ZBTB14: variants seen among roughly 807,000 people sequenced by gnomAD.
ZBTB14 encodes zinc finger and BTB domain containing 14, also known as zinc finger and BTB domain-containing protein 14.
In ZBTB14, 8 loss-of-function variants were observed where a neutral mutation model predicts 29.5. That is an observed-to-expected ratio of 0.27 (90% CI 0.16 to 0.49). The LOEUF is 0.49. ZBTB14 is among the 20% of genes least tolerant of loss of function. ZBTB14 has a pLI of 0.99. For synonymous variants in ZBTB14, 226 were observed against 207.2 expected (o/e 1.09, Z -0.78); for missense variants, 333 against 563.8 (o/e 0.59, Z 4.15).
chr18:5,295,690 T>C lies in ZBTB14; in HGVS notation c.-150A>G, dbSNP rs1160967905. 2.7e-5 allele frequency: 4 copies of C among 149,622 alleles called. No individual in the cohort carries two copies. Among genetic ancestry groups the C allele is most frequent in the Non-Finnish European group, 5.9e-5 (4 of 67,446 alleles). 9.3% of individuals were successfully genotyped at this position (149,622 alleles called of 1,614,324 possible). A position where few individuals can be genotyped will look rare whatever the true frequency, so the allele number is the denominator to read the frequency against. On this transcript the variant is annotated 5_prime_UTR_variant, in exon 1 of 4. Transcript: ENST00000651870. ...TGGCGGCCGCCGCACATCCTGGAGCTGGCTGGTGCCCCAGAGCTCGGCGAG... is the reference window on the plus strand; with the variant it reads ...TGGCGGCCGCCGCACATCCTGGAGCCGGCTGGTGCCCCAGAGCTCGGCGAG...
intron 1 of ZBTB14, among the ~76,000 whole-genome samples, chr18:5,295,073 A>C (rs2071916103): frequency 6.6e-6 from 1 of 151,466 alleles, no homozygotes; most frequent in Non-Finnish European, 1.5e-5. Context: ...TCATAATCAG[A>C]CGTCGAGCGC....
At position 5,290,766 on chromosome 18, in the gene ZBTB14, T is replaced by A; in HGVS notation, c.*92A>T. The A allele has an allele frequency of 6.5e-7, 1 of 1,529,092 alleles. No homozygotes were observed. Among genetic ancestry groups the A allele is most frequent in the Non-Finnish European group, 8.8e-7 (1 of 1,138,538 alleles). The allele number at this position is 1,529,092 out of a possible 1,614,324, so 94.7% of individuals were successfully genotyped here. ...CAGTGAGTACAATGTTCCATACGTT[T>A]CCACAAAAATATTGTAACTGGCATT... On this transcript the variant is annotated 3_prime_UTR_variant, in exon 4 of 4. Transcript: ENST00000651870.
chr18:5,290,969 A>G lies in ZBTB14; in HGVS notation c.1239T>C (p.Ser413=). 1.2e-6 allele frequency: 2 copies of G among 1,614,138 alleles called. No individual in the cohort carries two copies. Among genetic ancestry groups the G allele is most frequent in the East Asian group, 2.2e-5 (1 of 44,878 alleles). ...CACTGGGGGTAACCTGCTTCCTTTC[A>G]CTGTGCATATTGTTCTCGTGCCTTT... The part of the protein sequence containing the change: ...DLKRHENNMH[S]ERKQVTPSAI... Residue 413 remains serine (S), a synonymous_variant, in exon 4 of 4, where the codon AGT becomes AGC. Coordinates refer to ENST00000651870, the MANE Select transcript of ZBTB14 (RefSeq NM_001243702.2).
intron 1 of ZBTB14, among the ~76,000 whole-genome samples, chr18:5,294,632 T>G (rs1299210227): frequency 1.3e-5 from 2 of 151,032 alleles, no homozygotes; most frequent in Admixed American, 1.3e-4. Flanking sequence ...GAGTCAAAAC[T>G]GGAAGACAGC....
rs1418346149 is a variant in ZBTB14, at chr18:5,290,608, A to G, written c.*250T>C. 6.0e-6 allele frequency: 2 copies of G among 332,358 alleles called. No homozygotes were observed. Among genetic ancestry groups the G allele is most frequent in the East Asian group, 4.4e-5 (1 of 22,642 alleles). 20.6% of individuals were successfully genotyped at this position (332,358 alleles called of 1,614,324 possible). On this transcript the variant is annotated 3_prime_UTR_variant, in exon 4 of 4. Transcript: ENST00000651870. The stretch of plus-strand genomic sequence containing the variant: ...CAAATTAAAATAATAAAAAAAAAAA[A>G]GGGAGAGAGGTGCTTACTGGGCAAC...
upstream of ZBTB14, chr18:5,296,192 C>G (rs2071960115): frequency 6.6e-6 from 1 of 151,100 alleles, no homozygotes; most frequent in Admixed American, 6.6e-5. Context: ...TCGTTGGAGA[C>G]TACGGGGCCG....
upstream of ZBTB14, among the ~76,000 whole-genome samples, chr18:5,296,812 G>T (rs2071977978): frequency 6.6e-6 from 1 of 152,056 alleles, no homozygotes. Flanking sequence ...TGGAGGCGGC[G>T]ACCCGTCTGT....
chr18:5,292,284 T>A lies in ZBTB14; in HGVS notation c.4-80A>T, dbSNP rs943603987. ...ACACAGTCACATTTTCATTTCCTGG[T>A]CAATCTATGGAACCTAACAATTTCA... On this transcript the variant is annotated intron_variant, in intron 3 of 3. Coordinates refer to ENST00000651870, the MANE Select transcript of ZBTB14 (RefSeq NM_001243702.2). 3.4e-6 allele frequency: 4 copies of A among 1,189,480 alleles called. No homozygotes were observed. In the Admixed American group the frequency reaches 1.3e-4, roughly 38 times the overall value. The allele number at this position is 1,189,480 out of a possible 1,614,324, so 73.7% of individuals were successfully genotyped here.
At chr18:5,296,481 C>T (rs1363132491), upstream of ZBTB14, among the ~76,000 whole-genome samples, 25 of 150,896 alleles carry the variant, frequency 1.7e-4, no homozygotes, top group African/African-American at 5.8e-4. Context: ...CTCCCCCGGG[C>T]GCGCGCAGGC....
At chr18:5,296,549 C>G (rs547518730), upstream of ZBTB14, among the ~76,000 whole-genome samples, 2 of 151,956 alleles carry the variant, frequency 1.3e-5, no homozygotes, top group African/African-American at 4.8e-5. Flanking sequence ...CGGCCACTTT[C>G]GCCCTCCGCG....
At chr18:5,296,599 G>A (rs1386568310), upstream of ZBTB14, among the ~76,000 whole-genome samples, 1 of 152,044 alleles carries the variant, frequency 6.6e-6, no homozygotes, top group Non-Finnish European at 1.5e-5. Flanking sequence ...ACGGGTCTGC[G>A]GTCTTGCCTC....
upstream of ZBTB14, chr18:5,296,234 C>A (rs554052625): frequency 6.6e-6 from 1 of 150,592 alleles, no homozygotes; most frequent in Non-Finnish European, 1.5e-5. Flanking sequence ...CGCACGCGCG[C>A]GCACGCGCGC....
At position 5,290,604 on chromosome 18, in the gene ZBTB14, A is replaced by G; in HGVS notation, c.*254T>C. Reference sequence around the variant, plus strand: ...TTCTCAAATTAAAATAATAAAAAAAAAAAAGGGAGAGAGGTGCTTACTGGG... The same window carrying G: ...TTCTCAAATTAAAATAATAAAAAAAGAAAAGGGAGAGAGGTGCTTACTGGG... On this transcript the variant is annotated 3_prime_UTR_variant, in exon 4 of 4. Coordinates refer to ENST00000651870, the MANE Select transcript of ZBTB14 (RefSeq NM_001243702.2). The G allele has an allele frequency of 2.8e-6, 1 of 351,268 alleles. No homozygotes were observed. The highest frequency in any genetic ancestry group is 4.3e-5 in the East Asian group (1 of 23,206). The allele number at this position is 351,268 out of a possible 1,614,324, so 21.8% of individuals were successfully genotyped here. A position where few individuals can be genotyped will look rare whatever the true frequency, so the allele number is the denominator to read the frequency against.
Position 5,291,713 on chromosome 18 carries a change from T to A in ZBTB14, c.495A>T (p.Glu165Asp). 1 of 1,614,142 alleles carries A rather than the reference T, an allele frequency of 6.2e-7. No homozygotes were observed. Among genetic ancestry groups the A allele is most frequent in the Non-Finnish European group, 8.5e-7 (1 of 1,180,018 alleles). ...AAGGACTGTCATCCTGATCCCCGATTTCCTCTACATCATCATCCTGGGTGT... is the reference window on the plus strand; with the variant it reads ...AAGGACTGTCATCCTGATCCCCGATATCCTCTACATCATCATCCTGGGTGT... ...AADTQDDDVE[E>D]IGDQDDSPSD... Residue 165 changes from glutamate to aspartate, a missense_variant, in exon 4 of 4, where the codon GAA becomes GAT. By Grantham distance (45) the Glu-to-Asp change is conservative. Coordinates refer to ENST00000651870, the MANE Select transcript of ZBTB14 (RefSeq NM_001243702.2). The surrounding 1 kb of genome is among the most constrained non-coding windows in gnomAD (Gnocchi z 5.8).
At chr18:5,293,839 T>C (rs2071875732) in intron 2 of ZBTB14, 133 bp downstream of exon 2, 1 of 152,290 alleles carries the variant, frequency 6.6e-6, no homozygotes, top group Admixed American at 6.5e-5. Flanking sequence ...TTTTTCTTTC[T>C]GCACCTGTGT....
upstream of ZBTB14, chr18:5,295,828 G>C (rs2071948924): frequency 6.6e-6 from 1 of 152,002 alleles, no homozygotes; most frequent in Non-Finnish European, 1.5e-5. Flanking sequence ...GCCTGGCACA[G>C]GCACAGACAC....
In ZBTB14 at chr18:5,290,956, C is replaced by T. The variant is rs751765728; in HGVS notation, c.1252G>A (p.Val418Ile). 1.9e-6 allele frequency: 3 copies of T among 1,614,276 alleles called. No individual in the cohort carries two copies. The East Asian group carries it at 6.7e-5, about 36-fold the overall frequency. ...ENNMHSERKQVTPSAIQSETE... is the reference protein window; with the variant it reads ...ENNMHSERKQITPSAIQSETE... ...TCGCTCTGGATGGCACTGGGGGTAA[C>T]CTGCTTCCTTTCACTGTGCATATTG... is the stretch of plus-strand genomic sequence containing the variant. The change falls in exon 4 of 4, where the codon GTT (valine) becomes ATT (isoleucine). Residue 418 changes from valine (V) to isoleucine (I), a missense_variant. Val to Ile is a conservative substitution (Grantham distance 29). This residue lies in a region of ZBTB14 where 140 missense variants were observed against 274.6 expected (regional missense o/e 0.51). Coordinates refer to ENST00000651870, the MANE Select transcript of ZBTB14 (RefSeq NM_001243702.2).
At chr18:5,296,222 T>TGCGCACGCGC (rs570366804), upstream of ZBTB14, 34 of 150,784 alleles carry the variant, frequency 2.3e-4, no homozygotes, top group Admixed American at 3.3e-4. Flanking sequence ...GGCCCTGGCC[T>TGCGCACGCGC]GCGCACGCGC....
intron 1 of ZBTB14, among the ~76,000 whole-genome samples, chr18:5,295,439 C>G (rs2071932285): frequency 6.9e-6 from 1 of 145,298 alleles, no homozygotes. Context: ...GGGCCGCGCT[C>G]CGCGCTGGGT....
Sources: allele counts gnomAD v4.1 joint callset (sites outside exome capture counted in the v4.1 genomes callset), GRCh38; gene constraint gnomAD v4.1.1; regional missense constraint gnomAD v4.1.1; non-coding constraint Gnocchi (gnomAD v3.1); transcripts MANE v1.5; gene names NCBI Gene and HGNC (gene_info 2026-07-23, HGNC 2026-07-21).